The following C12orf43 variants were observed in gnomAD, a reference collection of about 807,000 sequenced individuals.
C12orf43 encodes chromosome 12 open reading frame 43.
C12orf43 carries 15 observed loss-of-function variants against 20.6 expected under a neutral mutation model. The observed-to-expected ratio is 0.73, with a 90% CI of 0.49 to 1.12. The LOEUF (loss-of-function observed/expected upper bound fraction) is 1.12, where lower values mean the gene tolerates loss of function less well. C12orf43 is among the 50% of genes most tolerant of loss of function. C12orf43 has a pLI of 0.00. For synonymous variants in C12orf43, 144 were observed against 130.8 expected, an observed-to-expected ratio of 1.10 and a Z score of -0.69; for missense variants, 334 against 344.4, an observed-to-expected ratio of 0.97 and a Z score of 0.24.
At chr12:121,010,092 A>C (rs906452601) in intron 3 of C12orf43, among the ~76,000 whole-genome samples, 1 of 152,250 alleles carries the variant, frequency 6.6e-6, no homozygotes, top group African/African-American at 2.4e-5. Flanking sequence ...ACTCGAGGTC[A>C]GGAGTTCGAG....
Position 121,004,100 on chromosome 12 carries a change from G to T in C12orf43, c.*53C>A, listed in dbSNP as rs78281545. On this transcript the variant is annotated 3_prime_UTR_variant, in exon 6 of 6. Coordinates refer to ENST00000288757, the MANE Select transcript of C12orf43 (RefSeq NM_022895.3). The surrounding 1 kb of genome is among the most constrained non-coding windows in gnomAD (Gnocchi z 5.6). The stretch of plus-strand genomic sequence containing the variant: ...CTTGGAAATGCCTTGTCCCCAGGGT[G>T]GGGGGGACACCTTGTCCTTGGAGCT... The T allele has an allele frequency of 8.7e-4, 1,346 of 1,553,036 alleles. 14 individuals carry two copies. The African/African-American group carries it at 0.014, about 17-fold the overall frequency.
At position 121,003,530 on chromosome 12, in the gene C12orf43, T is replaced by C. The variant is rs56383076; in HGVS notation, c.*623A>G. On this transcript the variant is annotated 3_prime_UTR_variant, in exon 6 of 6. Transcript: ENST00000288757. ...ACTCTAAGTTTTGTTTTGGGTCCTCTGACAATTGAGTTTCCATAATCTGGT... is the reference window on the plus strand; with the variant it reads ...ACTCTAAGTTTTGTTTTGGGTCCTCCGACAATTGAGTTTCCATAATCTGGT... 0.11 allele frequency: 16,767 copies of C among 152,482 alleles called. 1,217 individuals carry two copies. The highest frequency in any genetic ancestry group is 0.24 in the Admixed American group (3,725 of 15,298). 9.4% of individuals were successfully genotyped at this position (152,482 alleles called of 1,614,324 possible).
rs1057365818 is a variant in C12orf43 at position 121,001,864 on chromosome 12, G to A, written c.*2289C>T. On this transcript the variant is annotated 3_prime_UTR_variant, in exon 6 of 6. Transcript: ENST00000288757. Reference sequence around the variant, plus strand: ...GCTCTCCTGGCTTCCCATCCCCAGCGATTCCCTCTCCCAGGCCCCATGACC... The same window carrying A: ...GCTCTCCTGGCTTCCCATCCCCAGCAATTCCCTCTCCCAGGCCCCATGACC... The A allele has an allele frequency of 3.1e-5, 16 of 521,152 alleles. No individual in the cohort carries two copies. The highest frequency in any genetic ancestry group is 1.5e-4 in the African/African-American group (8 of 53,468). The allele number at this position is 521,152 out of a possible 1,614,324, so 32.3% of individuals were successfully genotyped here. A position where few individuals can be genotyped will look rare whatever the true frequency, so the allele number is the denominator to read the frequency against.
In C12orf43 at chr12:121,004,948, C is replaced by T. The variant is rs1592908111; in HGVS notation, c.452+55G>A. 2.3e-6 allele frequency: 3 copies of T among 1,327,862 alleles called. No homozygotes were observed. The East Asian group carries it at 8.0e-5, about 35-fold the overall frequency. The allele number at this position is 1,327,862 out of a possible 1,614,324, so 82.3% of individuals were successfully genotyped here. A position where few individuals can be genotyped will look rare whatever the true frequency, so the allele number is the denominator to read the frequency against. On this transcript the variant is annotated intron_variant, in intron 5 of 5. Coordinates refer to ENST00000288757, the MANE Select transcript of C12orf43 (RefSeq NM_022895.3). The surrounding 1 kb of genome is among the most constrained non-coding windows in gnomAD (Gnocchi z 5.6). ...TGCTTGGCTATTCCAGGGAACCCAC[C>T]AAGACAGAAGAGGAGAAAAAAGGAG...
intron 3 of C12orf43, among the ~76,000 whole-genome samples, chr12:121,008,753 T>G (rs567195196): frequency 1.1e-4 from 16 of 152,368 alleles, no homozygotes; most frequent in African/African-American, 3.8e-4. Context: ...TTTGTCCTTT[T>G]TGATATCTAC....
At chr12:121,015,872 C>G (rs1162149755) in intron 1 of C12orf43, among the ~76,000 whole-genome samples, 1 of 152,204 alleles carries the variant, frequency 6.6e-6, no homozygotes, top group Non-Finnish European at 1.5e-5. Context: ...TGGGTTCTAT[C>G]CATGATTAGG....
chr12:121,006,118 A>G, intron 4 of C12orf43: 1 of 513,992 alleles, frequency 1.9e-6, no homozygotes. Context: ...CAGGAAGCTG[A>G]GGTGGGAGGA....
In C12orf43 at chr12:121,001,589, A is replaced by G; in HGVS notation, c.*2564T>C. On this transcript the variant is annotated 3_prime_UTR_variant, in exon 6 of 6. Transcript: ENST00000288757. ...CTGGCAGCCACACTTCTCAGGACAC[A>G]GGCCTGTGTAGCTGTGACCTGCTGA... 1 of 440,206 alleles carries G rather than the reference A, an allele frequency of 2.3e-6. No homozygotes were observed. The highest frequency in any genetic ancestry group is 4.3e-6 in the Non-Finnish European group (1 of 231,280). 27.3% of individuals were successfully genotyped at this position (440,206 alleles called of 1,614,324 possible). A position where few individuals can be genotyped will look rare whatever the true frequency, so the allele number is the denominator to read the frequency against.
At chr12:121,007,092 C>G (rs1480272682) in intron 3 of C12orf43, 1 of 152,100 alleles carries the variant, frequency 6.6e-6, no homozygotes, top group Non-Finnish European at 1.5e-5. Context: ...TTCCTAGCAG[C>G]AAGCATGAAA....
intron 2 of C12orf43, 54 bp from the exon 3 acceptor site, chr12:121,010,980 T>C (rs764172699): frequency 8.2e-5 from 132 of 1,603,642 alleles, no homozygotes; most frequent in Non-Finnish European, 1.0e-4. Context: ...GCTGTCCCCA[T>C]GAGCACAGGG....
In C12orf43 at chr12:121,001,210, T is replaced by C; in HGVS notation, c.*2943A>G. The C allele has an allele frequency of 6.2e-7, 1 of 1,613,454 alleles. No homozygotes were observed. Among genetic ancestry groups the C allele is most frequent in the Non-Finnish European group, 8.5e-7 (1 of 1,179,796 alleles). ...CCCAGTAACCACGGCACCTGGGCCC[T>C]GGGGCCTGTACTGCCTGCTTGGGGG... On this transcript the variant is annotated 3_prime_UTR_variant, in exon 6 of 6. Transcript: ENST00000288757.
In C12orf43 at chr12:121,006,926, G is replaced by T. The variant is rs138068674; in HGVS notation, c.288-532C>A. 6.7e-3 allele frequency: 1,041 copies of T among 154,844 alleles called. 7 individuals carry two copies. Among genetic ancestry groups the T allele is most frequent in the Non-Finnish European group, 0.011 (798 of 69,708 alleles). The allele number at this position is 154,844 out of a possible 1,614,324, so 9.6% of individuals were successfully genotyped here. The stretch of plus-strand genomic sequence containing the variant: ...CACTCCAGCCTGGGTGACAGAGCAA[G>T]ACTCCATCTCCAAAAAAAGAAAAGA... On this transcript the variant is annotated intron_variant, in intron 3 of 5. Transcript: ENST00000288757.
chr12:121,008,096 A>G (rs974811044), intron 3 of C12orf43, among the ~76,000 whole-genome samples: 10 of 151,972 alleles, frequency 6.6e-5, no homozygotes, highest in Non-Finnish European at 1.3e-4. Context: ...GTTGAGAGAC[A>G]CTGACCTAAC....
In C12orf43 at chr12:121,006,382, G is replaced by A. The variant is rs1434112365; in HGVS notation, c.300C>T (p.Ile100=). The change falls in exon 4 of 6, where the codon ATC becomes ATT. Residue 100 remains isoleucine (I), a synonymous_variant. Coordinates refer to ENST00000288757, the MANE Select transcript of C12orf43 (RefSeq NM_022895.3). ...TTGCTGGCTCCTTTGCTGCTTCTGAGATGGTAATGAAGCTACAGGGAGACG... is the reference window on the plus strand; with the variant it reads ...TTGCTGGCTCCTTTGCTGCTTCTGAAATGGTAATGAAGCTACAGGGAGACG... ...LGALLDSFIT[I]SEAAKEPAKA... is the part of the protein sequence containing the mutation. 6.2e-7 allele frequency: 1 copy of A among 1,614,078 alleles called. No homozygotes were observed. Among genetic ancestry groups the A allele is most frequent in the South Asian group, 1.1e-5 (1 of 91,088 alleles).
At chr12:121,009,832 C>G (rs887362899) in intron 3 of C12orf43, among the ~76,000 whole-genome samples, 1 of 152,246 alleles carries the variant, frequency 6.6e-6, no homozygotes, top group Admixed American at 6.5e-5. Flanking sequence ...TGAATCCTTA[C>G]CGACTGGGTT....
chr12:121,001,669 G>T lies in C12orf43; in HGVS notation c.*2484C>A. Reference sequence around the variant, plus strand: ...TTGTTCTGTCACCAATGTACCCACCGGGCCACTCCTTCCTGCCCCAACTCC... The same window carrying T: ...TTGTTCTGTCACCAATGTACCCACCTGGCCACTCCTTCCTGCCCCAACTCC... On this transcript the variant is annotated 3_prime_UTR_variant, in exon 6 of 6. Transcript: ENST00000288757. 1 of 463,800 alleles carries T rather than the reference G, an allele frequency of 2.2e-6. No individual in the cohort carries two copies. Among genetic ancestry groups the T allele is most frequent in the South Asian group, 1.9e-5 (1 of 53,050 alleles). 28.7% of individuals were successfully genotyped at this position (463,800 alleles called of 1,614,324 possible).
intron 3 of C12orf43, chr12:121,006,850 T>C (rs533360876): frequency 4.0e-4 from 63 of 159,348 alleles, no homozygotes; most frequent in African/African-American, 1.2e-3. Flanking sequence ...GGCAGGAGAA[T>C]GGCGTGAACC....
In C12orf43 at chr12:121,001,139, CACAGCGTCATCGAGACCTTCATCT is replaced by C; in HGVS notation, c.*2990_*3013del. ...CCAGAGCCACCTGCTGCCATCCAAC[CACAGCGTCATCGAGACCTTCATCT>C]CCACCCAGATGGCCTCTTCCTCCCA... On this transcript the variant is annotated 3_prime_UTR_variant, in exon 6 of 6. Transcript: ENST00000288757. 6.2e-7 allele frequency: 1 copy of C among 1,614,126 alleles called. No homozygotes were observed. Among genetic ancestry groups the C allele is most frequent in the Non-Finnish European group, 8.5e-7 (1 of 1,180,002 alleles).
rs735396 is a variant in C12orf43, at chr12:121,001,041, T to C, written c.*3112A>G. 587,461 of 1,611,356 alleles carry C rather than the reference T, an allele frequency of 0.36. 111,479 individuals are homozygous for C. Among genetic ancestry groups the C allele is most frequent in the Middle Eastern group, 0.55 (3,334 of 6,058 alleles). On this transcript the variant is annotated 3_prime_UTR_variant, in exon 6 of 6. Coordinates refer to ENST00000288757, the MANE Select transcript of C12orf43 (RefSeq NM_022895.3). ...TGGGTGTGGGTGCCTGGTGGGTGGC[T>C]AGCAGCCTTGTTTGCCTCTGCAGTG...
Sources: allele counts gnomAD v4.1 joint callset (sites outside exome capture counted in the v4.1 genomes callset), GRCh38; gene constraint gnomAD v4.1.1; non-coding constraint Gnocchi (gnomAD v3.1); transcripts MANE v1.5; gene names NCBI Gene and HGNC (gene_info 2026-07-23, HGNC 2026-07-21).